Variants in GUSB observed in about 807,000 individuals in gnomAD.
The protein encoded by GUSB is beta-glucuronidase.
Under a neutral mutation model 74.6 loss-of-function variants are expected in GUSB, and 51 were observed. That is an observed-to-expected ratio of 0.68 (90% confidence interval 0.55 to 0.86). The LOEUF (loss-of-function observed/expected upper bound fraction) is 0.86. Ranked by LOEUF, GUSB falls within the 40% of genes least tolerant of loss-of-function variation. GUSB has a pLI of 0.00. For missense variants in GUSB, 736 were observed against 853.7 expected (o/e 0.86, Z 1.72); for synonymous variants, 360 against 348.3 (o/e 1.03, Z -0.37).
intron 11 of GUSB, among the ~76,000 whole-genome samples, chr7:65,962,238 C>T (rs1465135484): frequency 3.3e-5 from 5 of 152,122 alleles, no homozygotes; most frequent in Non-Finnish European, 5.9e-5. Context: ...CCGGGGCTGA[C>T]GTCCAGCTTG....
At chr7:65,977,243 C>A (rs1489473543) in intron 4 of GUSB, among the ~76,000 whole-genome samples, 1 of 152,106 alleles carries the variant, frequency 6.6e-6, no homozygotes, top group Non-Finnish European at 1.5e-5. Flanking sequence ...GTGTTGCAAT[C>A]TCAGCTGACT....
At chr7:65,969,430 A>C (rs1791053151) in intron 9 of GUSB, among the ~76,000 whole-genome samples, 1 of 151,676 alleles carries the variant, frequency 6.6e-6, no homozygotes, top group South Asian at 2.1e-4. Context: ...AGGCACTGCA[A>C]CTCATGCCTG....
chr7:65,980,384 A>C lies in GUSB; in HGVS notation c.236T>G (p.Val79Gly). The C allele has an allele frequency of 6.2e-7, 1 of 1,613,706 alleles. No individual in the cohort carries two copies. The highest frequency in any genetic ancestry group is 8.5e-7 in the Non-Finnish European group (1 of 1,179,832). The change falls in exon 2 of 12, where the codon GTT becomes GGT. Residue 79 changes from valine (V) to glycine (G), a missense_variant. Val to Gly is a moderately radical substitution (Grantham distance 109). Transcript: ENST00000304895. The part of the protein sequence containing the change: ...WESGPTVDMP[V>G]PSSFNDISQD... ...GCTGATGTCATTGAAGCTGGAGGGAACTGGCATGTCCACGGTGGGGCCTGA... is the reference window on the plus strand; with the variant it reads ...GCTGATGTCATTGAAGCTGGAGGGACCTGGCATGTCCACGGTGGGGCCTGA...
chr7:65,980,174 T>C, intron 2 of GUSB, 50 bp downstream of exon 2: 1 of 950,598 alleles, frequency 1.1e-6, no homozygotes, highest in South Asian at 1.4e-5. Flanking sequence ...CCCATGCTGT[T>C]CAGCAGCCGT....
intron 8 of GUSB, among the ~76,000 whole-genome samples, chr7:65,972,584 C>A (rs1318002656): frequency 1.3e-5 from 2 of 152,150 alleles, no homozygotes; most frequent in African/African-American, 4.8e-5. Context: ...CAGAAAAGAA[C>A]CCCCTAGCCT....
rs750022485 is a variant in GUSB at position 65,961,067 on chromosome 7, CAAAAA to C, written c.1790-9_1790-5del. 60 of 1,454,562 alleles carry C rather than the reference CAAAAA, an allele frequency of 4.1e-5. 1 individual carries two copies. In the South Asian group the frequency reaches 6.0e-4, roughly 15 times the overall value. 90.1% of individuals were successfully genotyped at this position (1,454,562 alleles called of 1,614,324 possible). A position where few individuals can be genotyped will look rare whatever the true frequency, so the allele number is the denominator to read the frequency against. ...TTCCCCAGCACTCTCGTCGGTGCTACAAAAAAAAAAAAAAGACACAAAGCGATTCA... is the reference window on the plus strand; with the variant it reads ...TTCCCCAGCACTCTCGTCGGTGCTACAAAAAAAAAGACACAAAGCGATTCA... On this transcript the variant is annotated splice_polypyrimidine_tract_variant and splice_region_variant and intron_variant, in intron 11 of 11. Coordinates refer to ENST00000304895, the MANE Select transcript of GUSB (RefSeq NM_000181.4).
chr7:65,963,473 G>A (rs1790633006), intron 11 of GUSB, among the ~76,000 whole-genome samples: 1 of 152,146 alleles, frequency 6.6e-6, no homozygotes, highest in Admixed American at 6.6e-5. Context: ...AAGAAGAAAT[G>A]GGACACATTC....
intron 1 of GUSB, among the ~76,000 whole-genome samples, chr7:65,981,536 T>A (rs1792020489): frequency 6.7e-6 from 1 of 149,308 alleles, no homozygotes; most frequent in Non-Finnish European, 1.5e-5. Context: ...CGAGCCCAGA[T>A]AATTTTTTTT....
At chr7:65,966,873 G>A (rs1294898247) in intron 10 of GUSB, among the ~76,000 whole-genome samples, 1 of 152,140 alleles carries the variant, frequency 6.6e-6, no homozygotes, top group African/African-American at 2.4e-5. Context: ...ATTGAGTCCA[G>A]GAGTTTGAGA....
chr7:65,966,037 G>A (rs1037208844), intron 10 of GUSB, among the ~76,000 whole-genome samples: 8 of 152,154 alleles, frequency 5.3e-5, no homozygotes, highest in Non-Finnish European at 1.2e-4. Flanking sequence ...GGGCGTGGTG[G>A]CGCATGCCTG....
chr7:65,980,818 C>T (rs913441107), intron 1 of GUSB: 1 of 314,646 alleles, frequency 3.2e-6, no homozygotes, highest in Admixed American at 4.2e-5. Context: ...CCTCCTCTTT[C>T]CCTCCTGTAC....
chr7:65,973,738 T>C (rs921490709), intron 8 of GUSB, among the ~76,000 whole-genome samples: 3 of 151,538 alleles, frequency 2.0e-5, no homozygotes, highest in Admixed American at 6.6e-5. Flanking sequence ...TCCTGGGCAA[T>C]AGAGGGAGAC....
At position 65,974,709 on chromosome 7, in the gene GUSB, G is replaced by C. The variant is rs376501876; in HGVS notation, c.1066-5C>G. Reference sequence around the variant, plus strand: ...GTCGAAGCCCTTCCCTCGGATCTAGGAGATAGCAGAGCCAAGTGACCCCTG... The same window carrying C: ...GTCGAAGCCCTTCCCTCGGATCTAGCAGATAGCAGAGCCAAGTGACCCCTG... On this transcript the variant is annotated splice_region_variant and splice_polypyrimidine_tract_variant and intron_variant, in intron 6 of 11. Transcript: ENST00000304895. 1 of 1,612,346 alleles carries C rather than the reference G, an allele frequency of 6.2e-7. No homozygotes were observed. The highest frequency in any genetic ancestry group is 1.3e-5 in the African/African-American group (1 of 74,874).
chr7:65,970,030 G>A (rs1028927093), intron 9 of GUSB, among the ~76,000 whole-genome samples: 12 of 152,054 alleles, frequency 7.9e-5, no homozygotes, highest in East Asian at 1.9e-4. Flanking sequence ...GGCTGCGGCC[G>A]GGGTGTGGTG....
chr7:65,972,152 C>T (rs960898246), intron 8 of GUSB, among the ~76,000 whole-genome samples: 1 of 152,156 alleles, frequency 6.6e-6, no homozygotes, highest in Non-Finnish European at 1.5e-5. Flanking sequence ...CTCCACAGTA[C>T]AGACTGTTTT....
intron 8 of GUSB, 80 bp from the exon 9 acceptor site, chr7:65,970,446 T>C: frequency 1.1e-6 from 1 of 886,484 alleles, no homozygotes; most frequent in Non-Finnish European, 1.9e-6. Flanking sequence ...CTGTCCCATC[T>C]TCCACCGCCA....
rs144397476 is a variant in GUSB at position 65,979,855 on chromosome 7, G to C, written c.453C>G (p.Ala151=). The change falls in exon 3 of 12, where the codon GCC becomes GCG. Residue 151 remains alanine (A), a synonymous_variant. Transcript: ENST00000304895. ...CCACCTGGACCAGGTTGCTGATGTC[G>C]GCCTCGAAGGGGAGGTAGCCCCCCT... ...EHEGGYLPFE[A]DISNLVQVGP... 2.1e-5 allele frequency: 34 copies of C among 1,613,252 alleles called. No homozygotes were observed. In the African/African-American group the frequency reaches 4.1e-4, roughly 20 times the overall value.
rs1303947032 is a variant in GUSB at position 65,982,000 on chromosome 7, G to T, written c.184C>A (p.Gln62Lys). 6.2e-7 allele frequency: 1 copy of T among 1,609,310 alleles called. No individual in the cohort carries two copies. The highest frequency in any genetic ancestry group is 1.7e-5 in the Admixed American group (1 of 59,946). The change falls in exon 1 of 12, where the codon CAG (glutamine) becomes AAG (lysine). Residue 62 changes from glutamine (Q) to lysine (K), a missense_variant. By Grantham distance (53) the Gln-to-Lys change is moderately conservative. This residue lies in a region of GUSB where 368 missense variants were observed against 363.8 expected (regional missense o/e 1.01). Coordinates refer to ENST00000304895, the MANE Select transcript of GUSB (RefSeq NM_000181.4). Reference protein sequence around the residue: ...SDNRRRGFEEQWYRRPLWESG... With the variant: ...SDNRRRGFEEKWYRRPLWESG... ...TCCCACAGCGGCCGCCGGTACCACT[G>T]CTCCTCGAAGCCCCGGCGTCGGTTG...
intron 11 of GUSB, 101 bp from the exon 12 acceptor site, chr7:65,961,164 T>C: frequency 8.5e-7 from 1 of 1,174,300 alleles, no homozygotes; most frequent in Admixed American, 1.9e-5. Flanking sequence ...AGAAATGTCT[T>C]TTTTTTTCTT....
Sources: gnomAD v4.1 joint callset for allele counts (sites outside exome capture counted in the v4.1 genomes callset) on GRCh38, gnomAD v4.1.1 for gene constraint, gnomAD v4.1.1 regional missense constraint, MANE v1.5 for transcripts, NCBI Gene and HGNC (gene_info 2026-07-23, HGNC 2026-07-21) for gene names.